DTNB: variants seen among roughly 807,000 people sequenced by gnomAD.
The protein encoded by DTNB is DTN-B.
In DTNB, 63 loss-of-function variants were observed where a neutral mutation model predicts 90.7. The ratio of observed to expected loss-of-function variants is 0.69; its 90% CI spans 0.57 to 0.86. The LOEUF (loss-of-function observed/expected upper bound fraction) is 0.86, where lower values mean the gene tolerates loss of function less well. DTNB is among the 40% of genes least tolerant of loss of function. The pLI is 0.00. For synonymous variants in DTNB, 277 were observed against 286.7 expected (o/e 0.97, Z 0.34); for missense variants, 744 against 807.1 (o/e 0.92, Z 0.95).
In DTNB at chr2:25,438,193, G is replaced by C. The variant is rs184603105; in HGVS notation, c.1258-4198C>G. 2.4e-4 allele frequency among the ~76,000 whole-genome samples: 36 copies of C among 151,806 alleles called. No individual in the cohort carries two copies. In the East Asian group the frequency reaches 7.1e-3, roughly 30 times the overall value. ...AGAGCGAGGCACGGGGAGATGAAGG[G>C]TCTAGACCAGGGGTATCCAATCTTT... On this transcript the variant is annotated intron_variant, in intron 12 of 20. Coordinates refer to ENST00000406818, the MANE Select transcript of DTNB (RefSeq NM_021907.5).
At chr2:25,627,647 C>A (rs1327480872) in intron 4 of DTNB, among the ~76,000 whole-genome samples, 3 of 151,476 alleles carry the variant, frequency 2.0e-5, no homozygotes, top group Non-Finnish European at 4.4e-5. Flanking sequence ...TGATTCTCCA[C>A]AATATTCCAG....
intron 12 of DTNB, among the ~76,000 whole-genome samples, chr2:25,442,811 T>C (rs987932723): frequency 2.0e-5 from 3 of 152,236 alleles, no homozygotes; most frequent in African/African-American, 7.2e-5. Flanking sequence ...GATTTAACCT[T>C]GTTCTGCCTC....
At chr2:25,469,024 G>C (rs2062297030) in intron 10 of DTNB, among the ~76,000 whole-genome samples, 1 of 152,144 alleles carries the variant, frequency 6.6e-6, no homozygotes, top group African/African-American at 2.4e-5. Flanking sequence ...ATCAGTACTG[G>C]AACTACGGTG....
intron 10 of DTNB, among the ~76,000 whole-genome samples, chr2:25,481,335 G>A (rs2064900676): frequency 6.6e-6 from 1 of 151,738 alleles, no homozygotes; most frequent in Admixed American, 6.6e-5. Context: ...AACCTGGGAG[G>A]TGGAGGTTGC....
intron 8 of DTNB, among the ~76,000 whole-genome samples, chr2:25,544,886 TC>T (rs1200397071): frequency 6.6e-6 from 1 of 152,246 alleles, no homozygotes; most frequent in African/African-American, 2.4e-5. Context: ...TCAAAGTATA[TC>T]CTTTATTAAT....
At chr2:25,548,928 T>C (rs916678543) in intron 8 of DTNB, among the ~76,000 whole-genome samples, 5 of 152,346 alleles carry the variant, frequency 3.3e-5, no homozygotes, top group African/African-American at 1.2e-4. Context: ...ACATGCAATG[T>C]TACTAAGAGC....
chr2:25,565,090 A>G (rs1348154792), intron 8 of DTNB, among the ~76,000 whole-genome samples: 1 of 152,168 alleles, frequency 6.6e-6, no homozygotes, highest in Non-Finnish European at 1.5e-5. Context: ...ATATGGATGC[A>G]TTTTGCTTGC....
chr2:25,527,631 G>T (rs1329968590), intron 9 of DTNB, among the ~76,000 whole-genome samples: 1 of 152,040 alleles, frequency 6.6e-6, no homozygotes, highest in Non-Finnish European at 1.5e-5. Context: ...TATGAACGTT[G>T]TATCAATAAC....
intron 12 of DTNB, among the ~76,000 whole-genome samples, chr2:25,434,399 CTTTT>C (rs1179596539): frequency 3.1e-5 from 3 of 95,506 alleles, no homozygotes; most frequent in East Asian, 3.4e-4. Flanking sequence ...ATGAACTAGT[CTTTT>C]TTTTTTTTTT....
intron 10 of DTNB, among the ~76,000 whole-genome samples, chr2:25,473,156 C>T (rs2063129868): frequency 6.6e-6 from 1 of 152,134 alleles, no homozygotes; most frequent in South Asian, 2.1e-4. Flanking sequence ...CCAATAAGAT[C>T]CATGAAAAAG....
intron 9 of DTNB, among the ~76,000 whole-genome samples, chr2:25,521,842 C>G (rs1027162328): frequency 5.9e-5 from 9 of 152,200 alleles, no homozygotes; most frequent in Admixed American, 5.2e-4. Context: ...TTTGCCCACC[C>G]CTATTAAGAT....
rs566928842 is a variant in DTNB, at chr2:25,387,899, C to T, written c.1735+303G>A. Among the ~76,000 whole-genome samples the T allele has an allele frequency of 2.0e-4, 30 of 152,354 alleles. No individual in the cohort carries two copies. The highest frequency in any genetic ancestry group is 7.2e-4 in the African/African-American group (30 of 41,582). Reference sequence around the variant, plus strand: ...GTCCCTTCTAGGCCAGGGAATTATTCCATCCAATTCCTCTGGAGGAGACAA... The same window carrying T: ...GTCCCTTCTAGGCCAGGGAATTATTTCATCCAATTCCTCTGGAGGAGACAA... On this transcript the variant is annotated intron_variant, in intron 17 of 20. Coordinates refer to ENST00000406818, the MANE Select transcript of DTNB (RefSeq NM_021907.5). This position sits in a 1 kb window ranked among gnomAD's most constrained non-coding sequence, Gnocchi z 4.5.
chr2:25,583,981 C>T (rs1408659641), intron 6 of DTNB, among the ~76,000 whole-genome samples: 1 of 152,134 alleles, frequency 6.6e-6, no homozygotes, highest in African/African-American at 2.4e-5. Flanking sequence ...ACTAGCAGAG[C>T]CATGTCCAAG....
intron 20 of DTNB, 109 bp downstream of exon 20, chr2:25,379,181 G>C: frequency 8.9e-7 from 1 of 1,125,980 alleles, no homozygotes; most frequent in Non-Finnish European, 1.2e-6. Flanking sequence ...ATCTTCACCT[G>C]TTAGGACTGC....
intron 8 of DTNB, among the ~76,000 whole-genome samples, chr2:25,548,870 A>G (rs1428861078): frequency 6.6e-6 from 1 of 152,174 alleles, no homozygotes; most frequent in African/African-American, 2.4e-5. Context: ...CCTCTGTAAT[A>G]ATTACTTATG....
intron 2 of DTNB, among the ~76,000 whole-genome samples, chr2:25,650,974 AT>A (rs66954178): frequency 0.26 from 38,680 of 149,838 alleles, 5,584 homozygotes; most frequent in Non-Finnish European, 0.35. Context: ...AAAAAAAAAA[AT>A]AATAATAATA....
At chr2:25,666,279 G>GA (rs2084427763) in intron 1 of DTNB, among the ~76,000 whole-genome samples, 1 of 152,004 alleles carries the variant, frequency 6.6e-6, no homozygotes, top group Non-Finnish European at 1.5e-5. Context: ...TTAAAGAAGG[G>GA]AAAAAATAAT....
chr2:25,436,335 G>A (rs1275473345), intron 12 of DTNB, among the ~76,000 whole-genome samples: 2 of 135,702 alleles, frequency 1.5e-5, no homozygotes, highest in Non-Finnish European at 3.1e-5. Flanking sequence ...ACTCCATCTG[G>A]GGAAAAAAGA....
intron 8 of DTNB, among the ~76,000 whole-genome samples, chr2:25,554,244 G>A (rs946451222): frequency 1.3e-5 from 2 of 152,170 alleles, no homozygotes; most frequent in African/African-American, 4.8e-5. Context: ...ATGGAGACAG[G>A]GGGATGAGGT....
Sources: allele counts gnomAD v4.1 joint callset (sites outside exome capture counted in the v4.1 genomes callset), GRCh38; gene constraint gnomAD v4.1.1; non-coding constraint Gnocchi (gnomAD v3.1); transcripts MANE v1.5; gene names NCBI Gene and HGNC (gene_info 2026-07-23, HGNC 2026-07-21).